CD300E: variants seen among roughly 807,000 people sequenced by gnomAD.
CD300E encodes the protein CMRF35-like molecule 2.
Under a neutral mutation model 20.9 loss-of-function variants are expected in CD300E, and 14 were observed. The observed-to-expected ratio is 0.67, with a 90% confidence interval of 0.44 to 1.05. CD300E has a LOEUF of 1.05. Ranked by LOEUF, CD300E falls within the 50% of genes least tolerant of loss-of-function variation. The pLI, the probability that CD300E is intolerant of heterozygous loss-of-function variation, is 0.00. For missense variants in CD300E, 237 were observed against 253.9 expected (o/e 0.93, Z 0.45); for synonymous variants, 102 against 103.7 (o/e 0.98, Z 0.10).
Position 74,610,376 on chromosome 17 carries a change from A to G in CD300E, c.*2277T>C, listed in dbSNP as rs2030751065. 1 of 152,150 alleles carries G rather than the reference A, an allele frequency of 6.6e-6. No individual in the cohort carries two copies. 9.4% of individuals were successfully genotyped at this position (152,150 alleles called of 1,614,324 possible). Reference sequence around the variant, plus strand: ...GGTTCCAGTTAATCTCTCTACACACATTCCTCTCCAGCCCTCAACACTCTG... The same window carrying G: ...GGTTCCAGTTAATCTCTCTACACACGTTCCTCTCCAGCCCTCAACACTCTG... On this transcript the variant is annotated 3_prime_UTR_variant, in exon 4 of 4. Coordinates refer to ENST00000392619, the MANE Select transcript of CD300E (RefSeq NM_181449.3).
At position 74,610,457 on chromosome 17, in the gene CD300E, A is replaced by G. The variant is rs1285860524; in HGVS notation, c.*2196T>C. 1.3e-5 allele frequency: 2 copies of G among 152,092 alleles called. No individual in the cohort carries two copies. Among genetic ancestry groups the G allele is most frequent in the Admixed American group, 1.3e-4 (2 of 15,256 alleles). 9.4% of individuals were successfully genotyped at this position (152,092 alleles called of 1,614,324 possible). ...CTCTCTGCCTGATGATTCCAAACAC[A>G]CAGAAAACTAAGCTCTGCATCATCC... On this transcript the variant is annotated 3_prime_UTR_variant, in exon 4 of 4. Transcript: ENST00000392619.
Position 74,612,451 on chromosome 17 carries a change from G to T in CD300E, c.*202C>A. ...ATGAGGGCAGGGAGGCAGGGGACTG[G>T]GGAGGAGAAAGGAGGACCCCCAAGC... is the stretch of plus-strand genomic sequence containing the variant. On this transcript the variant is annotated 3_prime_UTR_variant, in exon 4 of 4. Transcript: ENST00000392619. 1 of 532,964 alleles carries T rather than the reference G, an allele frequency of 1.9e-6. No individual in the cohort carries two copies. Among genetic ancestry groups the T allele is most frequent in the East Asian group, 3.6e-5 (1 of 27,684 alleles). The allele number at this position is 532,964 out of a possible 1,614,324, so 33.0% of individuals were successfully genotyped here.
chr17:74,622,622 T>G (rs1397315307), intron 1 of CD300E, among the ~76,000 whole-genome samples: 1 of 152,254 alleles, frequency 6.6e-6, no homozygotes, highest in Non-Finnish European at 1.5e-5. Flanking sequence ...TTTTGTATTT[T>G]GAATGTCTAT....
At position 74,612,718 on chromosome 17, in the gene CD300E, G is replaced by T; in HGVS notation, c.553C>A (p.Leu185Ile). The stretch of plus-strand genomic sequence containing the variant: ...AAGACAGCACCCAGCATGCTCAGGA[G>T]CAGGGGCAGCTTCAGAAGGACCACG... ...LLVVLLKLPLLLSMLGAVFWV... is the reference protein window; with the variant it reads ...LLVVLLKLPLILSMLGAVFWV... Residue 185 changes from leucine to isoleucine, a missense_variant, in exon 4 of 4, where the codon CTC (leucine) becomes ATC (isoleucine). Physicochemically the swap from Leu to Ile is conservative, Grantham distance 5 (BLOSUM62 2). Transcript: ENST00000392619. 1.2e-6 allele frequency: 2 copies of T among 1,613,998 alleles called. No homozygotes were observed. Among genetic ancestry groups the T allele is most frequent in the Non-Finnish European group, 1.7e-6 (2 of 1,179,964 alleles).
intron 1 of CD300E, among the ~76,000 whole-genome samples, chr17:74,622,661 C>T (rs1039937158): frequency 2.0e-5 from 3 of 152,172 alleles, no homozygotes; most frequent in African/African-American, 7.2e-5. Flanking sequence ...TGAAGTCCAA[C>T]CTTTGCAGGA....
chr17:74,623,698 G>T lies in CD300E; in HGVS notation c.-77C>A, dbSNP rs1247383339. The T allele has an allele frequency of 6.8e-7, 1 of 1,471,256 alleles. No individual in the cohort carries two copies. The highest frequency in any genetic ancestry group is 2.3e-5 in the East Asian group (1 of 44,246). 91.1% of individuals were successfully genotyped at this position (1,471,256 alleles called of 1,614,324 possible). On this transcript the variant is annotated 5_prime_UTR_variant, in exon 1 of 4. Coordinates refer to ENST00000392619, the MANE Select transcript of CD300E (RefSeq NM_181449.3). ...TCCAAGTATATGTAACGGAGCCTGG[G>T]TCATCCACTTTCTACTTGTCCAAGT...
Position 74,614,586 on chromosome 17 carries a change from G to A in CD300E, c.389-553C>T, listed in dbSNP as rs888548493. On this transcript the variant is annotated intron_variant, in intron 2 of 3. Transcript: ENST00000392619. ...CAACCTCCACCTCCCGGGTTCAAGC[G>A]ATTCTCCTGCCTCAGCCACCCAAGT... is the stretch of plus-strand genomic sequence containing the variant. Among the ~76,000 whole-genome samples, 8 of 151,268 alleles carry A rather than the reference G, an allele frequency of 5.3e-5. 1 individual carries two copies. Among genetic ancestry groups the A allele is most frequent in the East Asian group, 3.9e-4 (2 of 5,130 alleles).
intron 1 of CD300E, among the ~76,000 whole-genome samples, chr17:74,618,148 T>C (rs2030947382): frequency 6.6e-6 from 1 of 151,966 alleles, no homozygotes; most frequent in South Asian, 2.1e-4. Context: ...GGGAGGAAAG[T>C]GGGGTTTAGA....
intron 1 of CD300E, 86 bp downstream of exon 1, chr17:74,623,496 A>C (rs973483842): frequency 7.6e-7 from 1 of 1,311,164 alleles, no homozygotes; most frequent in African/African-American, 1.5e-5. Context: ...TGGACACTTC[A>C]CCTCTGGTTT....
At position 74,620,827 on chromosome 17, in the gene CD300E, G is replaced by A. The variant is rs949073251; in HGVS notation, c.40+2755C>T. On this transcript the variant is annotated intron_variant, in intron 1 of 3. Coordinates refer to ENST00000392619, the MANE Select transcript of CD300E (RefSeq NM_181449.3). The stretch of plus-strand genomic sequence containing the variant: ...GAAAAAGATAAAGGCCAAGGTGAGC[G>A]GATCACTGGAGGTGAGACCAGCCTG... Among the ~76,000 whole-genome samples, 3 of 152,016 alleles carry A rather than the reference G, an allele frequency of 2.0e-5. No homozygotes were observed. The South Asian group carries it at 6.2e-4, about 32-fold the overall frequency.
rs1045582428 is a variant in CD300E at position 74,611,309 on chromosome 17, G to A, written c.*1344C>T. On this transcript the variant is annotated 3_prime_UTR_variant, in exon 4 of 4. Coordinates refer to ENST00000392619, the MANE Select transcript of CD300E (RefSeq NM_181449.3). ...GCACGGCAGCTCTGCCTAAGCACTCGGCACTCAGAGGGTCACTCCATGTGC... is the reference window on the plus strand; with the variant it reads ...GCACGGCAGCTCTGCCTAAGCACTCAGCACTCAGAGGGTCACTCCATGTGC... The A allele has an allele frequency of 1.3e-5, 2 of 152,302 alleles. No individual in the cohort carries two copies. The highest frequency in any genetic ancestry group is 2.4e-5 in the African/African-American group (1 of 41,550). 9.4% of individuals were successfully genotyped at this position (152,302 alleles called of 1,614,324 possible).
At chr17:74,618,390 G>A (rs1367177514) in intron 1 of CD300E, among the ~76,000 whole-genome samples, 1 of 152,144 alleles carries the variant, frequency 6.6e-6, no homozygotes, top group Non-Finnish European at 1.5e-5. Flanking sequence ...ACAGTGATGA[G>A]GCTGAGCTTT....
chr17:74,617,895 G>A (rs1008193774), intron 1 of CD300E, among the ~76,000 whole-genome samples: 10 of 152,198 alleles, frequency 6.6e-5, no homozygotes, highest in Non-Finnish European at 1.3e-4. Context: ...CTTTCAGAGT[G>A]TTCTTGTGGG....
Position 74,617,437 on chromosome 17 carries a change from A to G in CD300E, c.69T>C (p.Ser23=), listed in dbSNP as rs1196157494. The G allele has an allele frequency of 6.8e-6, 11 of 1,613,682 alleles. No homozygotes were observed. Among genetic ancestry groups the G allele is most frequent in the Non-Finnish European group, 9.3e-6 (11 of 1,179,996 alleles). ...SGCLSLKGPG[S]VTGTAGDSLT... is the part of the protein sequence containing the mutation. ...GAGAGTCCCCCGCAGTGCCAGTCAC[A>G]GAGCCGGGGCCCTTCAGAGACAAAC... Residue 23 remains serine (S), a synonymous_variant, in exon 2 of 4, where the codon TCT becomes TCC. Transcript: ENST00000392619.
At chr17:74,613,332 G>A (rs2030826073) in intron 3 of CD300E, among the ~76,000 whole-genome samples, 1 of 152,128 alleles carries the variant, frequency 6.6e-6, no homozygotes, top group Non-Finnish European at 1.5e-5. Context: ...CAATCTCCTG[G>A]ACTCAAGTGA....
At position 74,615,069 on chromosome 17, in the gene CD300E, C is replaced by T. The variant is rs182196763; in HGVS notation, c.389-1036G>A. On this transcript the variant is annotated intron_variant, in intron 2 of 3. Transcript: ENST00000392619. Reference sequence around the variant, plus strand: ...CCACCCCGTTGGAGGGGCAGAGACACATAAACAGACGGACTCACTTCCGCT... The same window carrying T: ...CCACCCCGTTGGAGGGGCAGAGACATATAAACAGACGGACTCACTTCCGCT... 3.9e-5 allele frequency among the ~76,000 whole-genome samples: 6 copies of T among 152,348 alleles called. No individual in the cohort carries two copies. In the East Asian group the frequency reaches 7.7e-4, roughly 20 times the overall value.
chr17:74,621,454 C>T (rs1434189160), intron 1 of CD300E, among the ~76,000 whole-genome samples: 2 of 152,170 alleles, frequency 1.3e-5, no homozygotes, highest in African/African-American at 4.8e-5. Context: ...ATGCTAATTC[C>T]AAGATACTTT....
Position 74,617,414 on chromosome 17 carries a change from G to C in CD300E, c.92C>G (p.Ser31Cys). 3 of 1,614,018 alleles carry C rather than the reference G, an allele frequency of 1.9e-6. No homozygotes were observed. The highest frequency in any genetic ancestry group is 1.7e-6 in the Non-Finnish European group (2 of 1,180,022). Reference sequence around the variant, plus strand: ...CTCATACTGACACCACACTGTCAGAGAGTCCCCCGCAGTGCCAGTCACAGA... The same window carrying C: ...CTCATACTGACACCACACTGTCAGACAGTCCCCCGCAGTGCCAGTCACAGA... ...PGSVTGTAGDSLTVWCQYESM... is the reference protein window; with the variant it reads ...PGSVTGTAGDCLTVWCQYESM... The change falls in exon 2 of 4, where the codon TCT (serine) becomes TGT (cysteine). Residue 31 changes from serine to cysteine, a missense_variant. Physicochemically the swap from Ser to Cys is moderately radical, Grantham distance 112 (BLOSUM62 -1). Transcript: ENST00000392619.
At position 74,620,243 on chromosome 17, in the gene CD300E, G is replaced by A. The variant is rs543071104; in HGVS notation, c.41-2778C>T. ...TCCCAGCACTTTGGGAGGCCGAGGC[G>A]GGCGGATCACCAGAGGTCAGGAGTT... On this transcript the variant is annotated intron_variant, in intron 1 of 3. Transcript: ENST00000392619. Among the ~76,000 whole-genome samples the A allele has an allele frequency of 3.1e-3, 465 of 152,014 alleles. 3 individuals carry two copies. Among genetic ancestry groups the A allele is most frequent in the African/African-American group, 0.011 (440 of 41,476 alleles).
Sources: allele counts gnomAD v4.1 joint callset (sites outside exome capture counted in the v4.1 genomes callset), GRCh38; gene constraint gnomAD v4.1.1; transcripts MANE v1.5; gene names NCBI Gene and HGNC (gene_info 2026-07-23, HGNC 2026-07-21).